The following GINM1 variants were observed in gnomAD, a reference collection of about 807,000 sequenced individuals.
GINM1 encodes the protein glycoprotein integral membrane protein 1.
Under a neutral mutation model 37.8 loss-of-function variants are expected in GINM1, and 29 were observed. The ratio of observed to expected loss-of-function variants is 0.77; its 90% CI spans 0.57 to 1.05. GINM1 has a LOEUF of 1.05. Among genes scored for constraint, GINM1 ranks in the 50% least tolerant of loss-of-function variants. The pLI is 0.00. For missense variants in GINM1, 377 were observed against 397.9 expected, an observed-to-expected ratio of 0.95 and a Z score of 0.45; for synonymous variants, 143 against 146.2, an observed-to-expected ratio of 0.98 and a Z score of 0.16.
intron 6 of GINM1, among the ~76,000 whole-genome samples, chr6:149,581,345 G>A (rs756800486): frequency 6.6e-6 from 1 of 152,152 alleles, no homozygotes; most frequent in Non-Finnish European, 1.5e-5. Context: ...TTTTAGTAGA[G>A]ATGGAGTTTC....
chr6:149,571,185 C>G (rs1028709989), intron 1 of GINM1, among the ~76,000 whole-genome samples: 1 of 151,950 alleles, frequency 6.6e-6, no homozygotes, highest in Non-Finnish European at 1.5e-5. Flanking sequence ...TGTGGTGATG[C>G]ATGCCTGTAA....
rs1357849635 is a variant in GINM1, at chr6:149,575,134, G to A, written c.277+2531G>A. Among the ~76,000 whole-genome samples, 5 of 151,990 alleles carry A rather than the reference G, an allele frequency of 3.3e-5. No homozygotes were observed. In the South Asian group the frequency reaches 8.3e-4, roughly 25 times the overall value. ...TCTGTGCTCCACTCTATATCATTTG[G>A]TTGGAATTTCAAGTTCCAAAATTCT... On this transcript the variant is annotated intron_variant, in intron 3 of 7. Coordinates refer to ENST00000367419, the MANE Select transcript of GINM1 (RefSeq NM_138785.5).
In GINM1 at chr6:149,578,935, G is replaced by T; in HGVS notation, c.391G>T (p.Val131Phe). 1.2e-6 allele frequency: 2 copies of T among 1,605,322 alleles called. No individual in the cohort carries two copies. The highest frequency in any genetic ancestry group is 1.7e-6 in the Non-Finnish European group (2 of 1,172,874). The change falls in exon 4 of 8, where the codon GTC (valine) becomes TTC (phenylalanine). Residue 131 changes from valine to phenylalanine, a missense_variant. Transcript: ENST00000367419. ...MTSGSSLQLI[V>F]IQEEVVEIDG... ...ATCTGGTTCCAGTTTGCAACTAATT[G>T]TCATTCAAGAAGAGGTAGTAGAGAT...
intron 6 of GINM1, chr6:149,582,133 A>AT (rs1483268921): frequency 2.0e-6 from 1 of 497,072 alleles, no homozygotes; most frequent in African/African-American, 2.0e-5. Flanking sequence ...TCAATTAGCA[A>AT]TTATTTTCAC....
intron 1 of GINM1, among the ~76,000 whole-genome samples, chr6:149,571,312 CAAAA>C (rs112300927): frequency 6.8e-5 from 5 of 73,070 alleles, no homozygotes; most frequent in Admixed American, 1.7e-4. Flanking sequence ...GACTCCCTCT[CAAAA>C]AAAAAAAAAA....
chr6:149,573,095 G>A (rs1022494580), intron 3 of GINM1, among the ~76,000 whole-genome samples: 10 of 152,148 alleles, frequency 6.6e-5, no homozygotes, highest in Admixed American at 5.2e-4. Flanking sequence ...GGCCGAGGTG[G>A]GCAGATCACG....
At chr6:149,578,415 A>G (rs1268525506) in intron 3 of GINM1, among the ~76,000 whole-genome samples, 3 of 151,500 alleles carry the variant, frequency 2.0e-5, no homozygotes, top group Non-Finnish European at 2.9e-5. Flanking sequence ...AAACCCAGCT[A>G]CTTGGGAGGC....
At chr6:149,570,178 AT>A (rs1727285201) in intron 1 of GINM1, among the ~76,000 whole-genome samples, 4 of 92,436 alleles carry the variant, frequency 4.3e-5, no homozygotes, top group African/African-American at 7.8e-5. Context: ...ATATATATAT[AT>A]ATATATATAT....
rs916964210 is a variant in GINM1, at chr6:149,572,696, C to G, written c.277+93C>G. ...GTTTGTTTTTTGAGACAGTCTTGCT[C>G]TGTCACCCAGGCTGGAGTGCAATGG... On this transcript the variant is annotated intron_variant, in intron 3 of 7. Transcript: ENST00000367419. The G allele has an allele frequency of 3.5e-5, 28 of 806,098 alleles. No individual in the cohort carries two copies. In the African/African-American group the frequency reaches 4.3e-4, roughly 12 times the overall value. 49.9% of individuals were successfully genotyped at this position (806,098 alleles called of 1,614,324 possible).
intron 3 of GINM1, among the ~76,000 whole-genome samples, chr6:149,574,298 T>G (rs1478894225): frequency 1.3e-5 from 2 of 152,124 alleles, no homozygotes; most frequent in Non-Finnish European, 2.9e-5. Context: ...GTGATCCGCC[T>G]GCCTCGGCCT....
intron 3 of GINM1, among the ~76,000 whole-genome samples, chr6:149,575,479 C>T (rs1777900338): frequency 2.6e-5 from 4 of 152,226 alleles, no homozygotes; most frequent in Admixed American, 2.6e-4. Context: ...CTAGTCGTTG[C>T]TTTCTACTCA....
At chr6:149,572,195 A>G (rs923295469) in intron 1 of GINM1, 90 bp from the exon 2 acceptor site, 39 of 713,974 alleles carry the variant, frequency 5.5e-5, no homozygotes, top group Admixed American at 7.5e-5. Context: ...TGATTGTACA[A>G]TAGATACAAT....
At chr6:149,582,359 A>T (rs1778014900) in intron 6 of GINM1, 81 bp from the exon 7 acceptor site, 2 of 1,217,126 alleles carry the variant, frequency 1.6e-6, no homozygotes, top group Non-Finnish European at 2.4e-6. Flanking sequence ...TTATCATCCC[A>T]AAGCTAAAAC....
intron 3 of GINM1, chr6:149,577,346 G>A (rs565222532): frequency 6.6e-6 from 1 of 152,588 alleles, no homozygotes; most frequent in South Asian, 2.1e-4. Flanking sequence ...AAAACACGGG[G>A]ATGGACCATG....
At chr6:149,573,737 G>C (rs1346011065) in intron 3 of GINM1, among the ~76,000 whole-genome samples, 1 of 151,738 alleles carries the variant, frequency 6.6e-6, no homozygotes, top group African/African-American at 2.4e-5. Context: ...TGGGTGTGGT[G>C]ATGTGTGCCT....
Position 149,572,944 on chromosome 6 carries a change from A to G in GINM1, c.277+341A>G, listed in dbSNP as rs567847947. Among the ~76,000 whole-genome samples, 10 of 152,294 alleles carry G rather than the reference A, an allele frequency of 6.6e-5. No homozygotes were observed. The East Asian group carries it at 1.9e-3, about 29-fold the overall frequency. On this transcript the variant is annotated intron_variant, in intron 3 of 7. Coordinates refer to ENST00000367419, the MANE Select transcript of GINM1 (RefSeq NM_138785.5). ...GCCTCTCAAAGTGCTGGGATTACAG[A>G]TGTGAGCCCCTGTGCCTGGCCTGTT...
intron 7 of GINM1, among the ~76,000 whole-genome samples, chr6:149,589,250 A>G (rs889410993): frequency 1.3e-5 from 2 of 151,908 alleles, no homozygotes; most frequent in Non-Finnish European, 2.9e-5. Context: ...CCCAGCCATT[A>G]TATTTTCTTA....
At chr6:149,587,710 C>T (rs917451989) in intron 7 of GINM1, among the ~76,000 whole-genome samples, 1 of 152,246 alleles carries the variant, frequency 6.6e-6, no homozygotes, top group African/African-American at 2.4e-5. Flanking sequence ...CAAAGCTAGT[C>T]CTTTTGGGTT....
chr6:149,567,070 A>T (rs995364250), intron 1 of GINM1, among the ~76,000 whole-genome samples: 1 of 152,088 alleles, frequency 6.6e-6, no homozygotes, highest in Non-Finnish European at 1.5e-5. Flanking sequence ...TTTTTGTCGG[A>T]TGTTGGAGGA....
Sources: gnomAD v4.1 joint callset for allele counts (sites outside exome capture counted in the v4.1 genomes callset) on GRCh38, gnomAD v4.1.1 for gene constraint, MANE v1.5 for transcripts, NCBI Gene and HGNC (gene_info 2026-07-23, HGNC 2026-07-21) for gene names.